NUMBL: variants seen among roughly 807,000 people sequenced by gnomAD.
NUMBL encodes numb-like protein.
NUMBL carries 20 observed loss-of-function variants against 48.9 expected under a neutral mutation model. That is an observed-to-expected ratio of 0.41 (90% CI 0.29 to 0.59). The LOEUF (loss-of-function observed/expected upper bound fraction) is 0.59. NUMBL is among the 20% of genes least tolerant of loss of function. The pLI, the probability that NUMBL is intolerant of heterozygous loss-of-function variation, is 0.31. For synonymous variants in NUMBL, 340 were observed against 348.7 expected (o/e 0.98, Z 0.28); for missense variants, 660 against 846.2 (o/e 0.78, Z 2.73).
intron 9 of NUMBL, among the ~76,000 whole-genome samples, chr19:40,668,711 G>A (rs774305464): frequency 5.9e-5 from 9 of 152,036 alleles, no homozygotes; most frequent in Admixed American, 2.0e-4. Flanking sequence ...CCCCTGCCTC[G>A]GCTTCCCAAA....
chr19:40,680,369 C>G (rs2081898647), intron 6 of NUMBL, among the ~76,000 whole-genome samples: 1 of 151,822 alleles, frequency 6.6e-6, no homozygotes, highest in Admixed American at 6.6e-5. Flanking sequence ...AGGCTGGTCT[C>G]AAATTCCTGA....
chr19:40,684,037 A>G, intron 3 of NUMBL: 1 of 189,024 alleles, frequency 5.3e-6, no homozygotes, highest in Non-Finnish European at 1.1e-5. Flanking sequence ...GTGTGCTGGA[A>G]TTACAGGTGT....
Position 40,667,425 on chromosome 19 carries a change from C to CGTGGGGCACCTGGAGATGATGGA in NUMBL, c.*20_*42dup, listed in dbSNP as rs1232963781. ...GAGAGGTTGTGCCTCCACCCCCAGG[C>CGTGGGGCACCTGGAGATGATGGA]GTGGGGCACCTGGAGATGATGGAGT... On this transcript the variant is annotated 3_prime_UTR_variant, in exon 10 of 10. Transcript: ENST00000252891. The surrounding 1 kb of genome is among the most constrained non-coding windows in gnomAD (Gnocchi z 6.1). The CGTGGGGCACCTGGAGATGATGGA allele has an allele frequency of 3.8e-6, 6 of 1,587,782 alleles. No individual in the cohort carries two copies. The African/African-American group carries it at 8.1e-5, about 21-fold the overall frequency.
intron 5 of NUMBL, among the ~76,000 whole-genome samples, chr19:40,681,838 A>G (rs916097233): frequency 2.6e-5 from 4 of 151,804 alleles, no homozygotes; most frequent in Non-Finnish European, 5.9e-5. Context: ...ACGTCTGGCT[A>G]ATTTTTGTAT....
rs748502552 is a variant in NUMBL, at chr19:40,682,989, G to T, written c.250-21C>A. 2.4e-5 allele frequency: 38 copies of T among 1,609,580 alleles called. No individual in the cohort carries two copies. The highest frequency in any genetic ancestry group is 6.8e-6 in the Non-Finnish European group (8 of 1,176,310). On this transcript the variant is annotated intron_variant, in intron 3 of 9. Coordinates refer to ENST00000252891, the MANE Select transcript of NUMBL (RefSeq NM_004756.5). The surrounding 1 kb of genome is among the most constrained non-coding windows in gnomAD (Gnocchi z 4.0). The stretch of plus-strand genomic sequence containing the variant: ...AGGTACTTGGGTTGGAGGGAATGGG[G>T]GGGGGGACATGAAACAGCACAGTAA...
chr19:40,677,033 C>G (rs1335393953), intron 7 of NUMBL, among the ~76,000 whole-genome samples, 199 bp downstream of exon 7: 1 of 152,156 alleles, frequency 6.6e-6, no homozygotes, highest in African/African-American at 2.4e-5. Context: ...AGGCTGGTCT[C>G]AAACTTCTGA....
chr19:40,684,643 T>A (rs1305830729), intron 2 of NUMBL, 87 bp from the exon 3 acceptor site: 4 of 1,478,032 alleles, frequency 2.7e-6, no homozygotes, highest in Non-Finnish European at 3.6e-6. Context: ...TCAGGGAGCA[T>A]GGGGTCAGAT....
chr19:40,668,704 C>T (rs1034743304), intron 9 of NUMBL, among the ~76,000 whole-genome samples: 6 of 152,180 alleles, frequency 3.9e-5, no homozygotes, highest in African/African-American at 1.4e-4. Context: ...AGTAATCCCC[C>T]TGCCTCGGCT....
chr19:40,668,741 G>A (rs1228409287), intron 9 of NUMBL, among the ~76,000 whole-genome samples: 2 of 152,150 alleles, frequency 1.3e-5, no homozygotes, highest in African/African-American at 4.8e-5. Context: ...TTACAGGCAT[G>A]AGCCACCACA....
intron 9 of NUMBL, among the ~76,000 whole-genome samples, chr19:40,669,649 T>C: frequency 6.6e-6 from 1 of 151,302 alleles, no homozygotes; most frequent in East Asian, 1.9e-4. Flanking sequence ...TCTAAGATGA[T>C]CCATGGATCT....
In NUMBL at chr19:40,667,997, T is replaced by C; in HGVS notation, c.1301A>G (p.Gln434Arg). 1 of 901,790 alleles carries C rather than the reference T, an allele frequency of 1.1e-6. No homozygotes were observed. Among genetic ancestry groups the C allele is most frequent in the Admixed American group, 3.2e-5 (1 of 31,708 alleles). The allele number at this position is 901,790 out of a possible 1,614,324, so 55.9% of individuals were successfully genotyped here. ...CTGCTGCTGCTGCTGCTGCTGTTGC[T>C]GTTGCTGCTGCTGCTGCTGCTGGGC... Reference protein sequence around the residue: ...AKAQQQQQQQQQQQQQQQQQQ... With the variant: ...AKAQQQQQQQRQQQQQQQQQQ... The change falls in exon 10 of 10, where the codon CAG becomes CGG. Residue 434 changes from glutamine to arginine, a missense_variant. Transcript: ENST00000252891. This position sits in a 1 kb window ranked among gnomAD's most constrained non-coding sequence, Gnocchi z 6.1.
chr19:40,684,068 GTTTT>G lies in NUMBL; in HGVS notation c.249+345_249+348del, dbSNP rs10684015. On this transcript the variant is annotated intron_variant, in intron 3 of 9. Transcript: ENST00000252891. ...GGTGTTAGCCACCACTACGCTTCAA[GTTTT>G]TTTTTTTTTTTTTTTGAAACAGAGT... 151 of 125,174 alleles carry G rather than the reference GTTTT, an allele frequency of 1.2e-3. 1 individual carries two copies. The highest frequency in any genetic ancestry group is 3.5e-3 in the South Asian group (20 of 5,634). 7.8% of individuals were successfully genotyped at this position (125,174 alleles called of 1,614,324 possible). A position where few individuals can be genotyped will look rare whatever the true frequency, so the allele number is the denominator to read the frequency against.
chr19:40,683,906 T>G (rs1265403164), intron 3 of NUMBL, among the ~76,000 whole-genome samples: 2 of 150,920 alleles, frequency 1.3e-5, no homozygotes, highest in Non-Finnish European at 2.9e-5. Flanking sequence ...GCCTTGTGAG[T>G]AGCTGGGACT....
At chr19:40,684,071 T>TTTG (rs1024096861) in intron 3 of NUMBL, 1 of 170,970 alleles carries the variant, frequency 5.8e-6, no homozygotes, top group Non-Finnish European at 1.2e-5. Context: ...GCTTCAAGTT[T>TTTG]TTTTTTTTTT....
chr19:40,673,770 A>C lies in NUMBL; in HGVS notation c.731-121T>G. ...CCTTGCCCAGTGAGTCCTGCCCTTA[A>C]GACAAGCTAGTCAAAGCCCTGAGAT... On this transcript the variant is annotated intron_variant, in intron 7 of 9. Coordinates refer to ENST00000252891, the MANE Select transcript of NUMBL (RefSeq NM_004756.5). The surrounding 1 kb of genome is among the most constrained non-coding windows in gnomAD (Gnocchi z 5.9). The C allele has an allele frequency of 1.1e-6, 1 of 924,786 alleles. No homozygotes were observed. The highest frequency in any genetic ancestry group is 1.6e-6 in the Non-Finnish European group (1 of 639,618). 57.3% of individuals were successfully genotyped at this position (924,786 alleles called of 1,614,324 possible).
intron 7 of NUMBL, among the ~76,000 whole-genome samples, chr19:40,674,713 G>A (rs191635363): frequency 4.3e-4 from 66 of 152,276 alleles, no homozygotes; most frequent in African/African-American, 1.5e-3. Context: ...CTCACTGTGT[G>A]ACCTCAGGAA....
chr19:40,675,518 TAATTAATA>T (rs939524292), intron 7 of NUMBL, among the ~76,000 whole-genome samples: 7 of 146,020 alleles, frequency 4.8e-5, no homozygotes, highest in African/African-American at 1.3e-4. Flanking sequence ...ATAAATTAAT[TAATTAATA>T]AATAAATTAA....
In NUMBL at chr19:40,686,939, C is replaced by T. The variant is rs1568432697; in HGVS notation, c.81G>A (p.Gly27=). The part of the protein sequence containing the change: ...HLPPAPCGAP[G]PPETCRTEPD... ...GCTCCGTCCTGCAGGTTTCTGGGGG[C>T]CCCGGGGCCCCACAGGGGGCTGGGG... The change falls in exon 2 of 10, where the codon GGG becomes GGA. Residue 27 remains glycine, a synonymous_variant. Coordinates refer to ENST00000252891, the MANE Select transcript of NUMBL (RefSeq NM_004756.5). The T allele has an allele frequency of 1.3e-6, 2 of 1,544,368 alleles. No homozygotes were observed. The highest frequency in any genetic ancestry group is 2.5e-5 in the East Asian group (1 of 40,720).
At chr19:40,683,778 G>T (rs1265742808) in intron 3 of NUMBL, among the ~76,000 whole-genome samples, 1 of 152,186 alleles carries the variant, frequency 6.6e-6, no homozygotes, top group East Asian at 1.9e-4. Flanking sequence ...ATGTGTTCTG[G>T]TTTTTTGTTT....
Sources: gnomAD v4.1 joint callset for allele counts (sites outside exome capture counted in the v4.1 genomes callset) on GRCh38, gnomAD v4.1.1 for gene constraint, Gnocchi (gnomAD v3.1) non-coding constraint, MANE v1.5 for transcripts, NCBI Gene and HGNC (gene_info 2026-07-23, HGNC 2026-07-21) for gene names.